NCAM1: variants seen among roughly 807,000 people sequenced by gnomAD.
NCAM1 encodes antigen recognized by monoclonal antibody 5.1H11.
A neutral mutation model predicts 109.8 loss-of-function variants in NCAM1; 14 were observed. The ratio of observed to expected loss-of-function variants is 0.13; its 90% CI spans 0.08 to 0.20. The LOEUF (loss-of-function observed/expected upper bound fraction) is 0.20. NCAM1 is among the 10% of genes least tolerant of loss of function. The pLI, the probability that NCAM1 is intolerant of heterozygous loss-of-function variation, is 1.00. For synonymous variants in NCAM1, 418 were observed against 442.9 expected (o/e 0.94, Z 0.70); for missense variants, 774 against 1,109.9 (o/e 0.70, Z 4.30).
chr11:113,042,010 C>T (rs926479633), intron 1 of NCAM1, among the ~76,000 whole-genome samples: 4 of 152,210 alleles, frequency 2.6e-5, no homozygotes, highest in African/African-American at 4.8e-5. Flanking sequence ...AATAATCCAT[C>T]TTTCAGAAGC....
intron 1 of NCAM1, among the ~76,000 whole-genome samples, chr11:112,981,250 T>C (rs1267479898): frequency 6.6e-6 from 1 of 151,900 alleles, no homozygotes; most frequent in African/African-American, 2.4e-5. Context: ...TATTTTGTAA[T>C]CTTTCCTTCA....
intron 1 of NCAM1, among the ~76,000 whole-genome samples, chr11:112,965,074 A>AT (rs61263458): frequency 0.35 from 52,297 of 151,044 alleles, 9,436 homozygotes; most frequent in East Asian, 0.48. Context: ...TTTATCTAGG[A>AT]TTTTTTTTTT....
intron 1 of NCAM1, among the ~76,000 whole-genome samples, chr11:113,088,618 G>A (rs1939196664): frequency 6.6e-6 from 1 of 152,166 alleles, no homozygotes; most frequent in Non-Finnish European, 1.5e-5. Flanking sequence ...TAAACTTTAT[G>A]GGCCTGTCTT....
chr11:113,061,244 TTTTAAG>T lies in NCAM1; in HGVS notation c.52+99581_52+99586del, dbSNP rs1348907694. Among the ~76,000 whole-genome samples, 3 of 152,314 alleles carry T rather than the reference TTTTAAG, an allele frequency of 2.0e-5. No homozygotes were observed. The Middle Eastern group carries it at 0.01, about 518-fold the overall frequency. On this transcript the variant is annotated intron_variant, in intron 1 of 19. Transcript: ENST00000316851. ...TGTTGCAATGGGAAGGTTTCCTCAT[TTTTAAG>T]CCTGAATAATATTCCATTCTATGTT...
At chr11:113,174,070 C>T (rs914042034) in intron 1 of NCAM1, among the ~76,000 whole-genome samples, 1 of 152,080 alleles carries the variant, frequency 6.6e-6, no homozygotes, top group Non-Finnish European at 1.5e-5. Flanking sequence ...TTTAACTAGA[C>T]AATAGATTTG....
At chr11:113,249,696 G>A (rs1392026593) in intron 15 of NCAM1, among the ~76,000 whole-genome samples, 2 of 152,086 alleles carry the variant, frequency 1.3e-5, no homozygotes, top group Non-Finnish European at 2.9e-5. Context: ...ATACCTTCCT[G>A]GTCATATTTT....
intron 1 of NCAM1, among the ~76,000 whole-genome samples, chr11:113,153,146 G>A (rs1042401983): frequency 6.6e-6 from 1 of 151,846 alleles, no homozygotes; most frequent in Non-Finnish European, 1.5e-5. Context: ...GGGTTCAAGT[G>A]ATTCTCCTGC....
intron 1 of NCAM1, among the ~76,000 whole-genome samples, chr11:113,007,770 G>T (rs1254440147): frequency 6.6e-6 from 1 of 152,176 alleles, no homozygotes; most frequent in African/African-American, 2.4e-5. Flanking sequence ...ATGCTGCATT[G>T]CCAGTGTTCT....
rs533671693 is a variant in NCAM1 at position 113,180,262 on chromosome 11, G to A, written c.53-22117G>A. Reference sequence around the variant, plus strand: ...GAGATATAGCCCCTGTCTGGAAGAGGCTTATAGTATTATCCTGCTTATTGG... The same window carrying A: ...GAGATATAGCCCCTGTCTGGAAGAGACTTATAGTATTATCCTGCTTATTGG... On this transcript the variant is annotated intron_variant, in intron 1 of 19. Transcript: ENST00000316851. Among the ~76,000 whole-genome samples the A allele has an allele frequency of 5.3e-5, 8 of 152,270 alleles. No individual in the cohort carries two copies. The South Asian group carries it at 1.7e-3, about 32-fold the overall frequency.
Position 112,983,890 on chromosome 11 carries a change from G to T in NCAM1, c.52+22226G>T, listed in dbSNP as rs144792744. Among the ~76,000 whole-genome samples, 594 of 152,026 alleles carry T rather than the reference G, an allele frequency of 3.9e-3. 5 individuals carry two copies. Among genetic ancestry groups the T allele is most frequent in the African/African-American group, 0.014 (566 of 41,506 alleles). ...TGGTCACCTTTATGTATGTATGTAT[G>T]TATTTATTTATTGTGAATAGAGTTC... On this transcript the variant is annotated intron_variant, in intron 1 of 19. Transcript: ENST00000316851.
intron 1 of NCAM1, among the ~76,000 whole-genome samples, chr11:113,047,291 C>A (rs890340942): frequency 6.6e-6 from 1 of 151,726 alleles, no homozygotes; most frequent in Non-Finnish European, 1.5e-5. Context: ...GTAATAAAAT[C>A]ATGATGAAAA....
At chr11:113,120,282 C>T (rs1210971844) in intron 1 of NCAM1, among the ~76,000 whole-genome samples, 3 of 152,170 alleles carry the variant, frequency 2.0e-5, no homozygotes, top group Admixed American at 2.0e-4. Flanking sequence ...CTGACATTAT[C>T]CAAGGGTAGT....
chr11:113,271,779 C>T lies in NCAM1; in HGVS notation c.2359C>T (p.Pro787Ser). The change falls in exon 19 of 20, where the codon CCC (proline) becomes TCC (serine). Residue 787 changes from proline (P) to serine (S), a missense_variant. Transcript: ENST00000316851. The part of the protein sequence containing the change: ...AAFSKDESKE[P>S]IVEVRTEEER... ...CCACAGGAAAGATGAGTCCAAGGAGCCCATCGTGGAGGTTCGAACGGAGGA... is the reference window on the plus strand; with the variant it reads ...CCACAGGAAAGATGAGTCCAAGGAGTCCATCGTGGAGGTTCGAACGGAGGA... 6.4e-7 allele frequency: 1 copy of T among 1,560,008 alleles called. No homozygotes were observed. The highest frequency in any genetic ancestry group is 8.7e-7 in the Non-Finnish European group (1 of 1,151,954).
chr11:113,104,988 C>A (rs782221223), intron 1 of NCAM1, among the ~76,000 whole-genome samples: 1 of 152,150 alleles, frequency 6.6e-6, no homozygotes, highest in Non-Finnish European at 1.5e-5. Context: ...GTGTCACAGT[C>A]GAAGGGAACA....
At chr11:113,061,171 T>A (rs1245099) in intron 1 of NCAM1, among the ~76,000 whole-genome samples, 125,908 of 152,082 alleles carry the variant, frequency 0.83, 52,399 homozygotes, top group African/African-American at 0.91. Flanking sequence ...TATACAGAAT[T>A]GTCTTTCTGT....
chr11:113,013,934 C>T (rs1188520846), intron 1 of NCAM1, among the ~76,000 whole-genome samples: 17 of 152,158 alleles, frequency 1.1e-4, no homozygotes, highest in Non-Finnish European at 4.4e-5. Flanking sequence ...GATACCTGTC[C>T]TAATTGTCCC....
At chr11:113,058,322 G>C (rs979512912) in intron 1 of NCAM1, among the ~76,000 whole-genome samples, 3 of 152,070 alleles carry the variant, frequency 2.0e-5, no homozygotes, top group Non-Finnish European at 4.4e-5. Flanking sequence ...TGGATGTGGA[G>C]AGATTGTTCT....
At chr11:113,089,334 T>C (rs1318028894) in intron 1 of NCAM1, among the ~76,000 whole-genome samples, 1 of 151,152 alleles carries the variant, frequency 6.6e-6, no homozygotes, top group Non-Finnish European at 1.5e-5. Flanking sequence ...TAATAATAAG[T>C]CTTTGGATCT....
At chr11:113,148,752 G>A (rs770896951) in intron 1 of NCAM1, among the ~76,000 whole-genome samples, 3 of 152,140 alleles carry the variant, frequency 2.0e-5, no homozygotes, top group Non-Finnish European at 4.4e-5. Flanking sequence ...TTGGGTGGAG[G>A]GAATTATTCT....
Sources: allele counts gnomAD v4.1 joint callset (sites outside exome capture counted in the v4.1 genomes callset), GRCh38; gene constraint gnomAD v4.1.1; transcripts MANE v1.5; gene names NCBI Gene and HGNC (gene_info 2026-07-23, HGNC 2026-07-21).